The following SLIT1 variants were observed in gnomAD, a reference collection of about 807,000 sequenced individuals.
SLIT1 encodes the protein slit homolog 1 protein.
In SLIT1, 66 loss-of-function variants were observed where a neutral mutation model predicts 186.1. The ratio of observed to expected loss-of-function variants is 0.35; its 90% CI spans 0.29 to 0.44. The LOEUF (loss-of-function observed/expected upper bound fraction) is 0.44, where lower values mean the gene tolerates loss of function less well. Ranked by LOEUF, SLIT1 falls within the 20% of genes least tolerant of loss-of-function variation. The pLI is 1.00. For missense variants in SLIT1, 1,638 were observed against 2,037.4 expected, an observed-to-expected ratio of 0.80 and a Z score of 3.77; for synonymous variants, 761 against 833.8, an observed-to-expected ratio of 0.91 and a Z score of 1.50.
chr10:97,013,295 C>A (rs942623249), intron 30 of SLIT1, among the ~76,000 whole-genome samples: 1 of 152,204 alleles, frequency 6.6e-6, no homozygotes, highest in South Asian at 2.1e-4. Flanking sequence ...CAGATCAGAT[C>A]TGGCCATGAG....
At chr10:97,046,370 T>C (rs1409109071) in intron 18 of SLIT1, among the ~76,000 whole-genome samples, 2 of 152,208 alleles carry the variant, frequency 1.3e-5, no homozygotes, top group African/African-American at 2.4e-5. Flanking sequence ...TCTTGCAGCC[T>C]GACCAGAGGG....
At chr10:97,165,772 C>T (rs1850097013) in intron 1 of SLIT1, among the ~76,000 whole-genome samples, 1 of 152,108 alleles carries the variant, frequency 6.6e-6, no homozygotes, top group Non-Finnish European at 1.5e-5. Flanking sequence ...CGAGGCCACC[C>T]CACCATCTGG....
chr10:97,016,575 T>C (rs1287723926), intron 28 of SLIT1, among the ~76,000 whole-genome samples: 1 of 152,132 alleles, frequency 6.6e-6, no homozygotes, highest in Non-Finnish European at 1.5e-5. Context: ...TTTAATTGTC[T>C]GTAGAGATGG....
chr10:97,059,133 G>A (rs1429205620), intron 11 of SLIT1, among the ~76,000 whole-genome samples: 1 of 152,206 alleles, frequency 6.6e-6, no homozygotes, highest in African/African-American at 2.4e-5. Flanking sequence ...GGCGGGGGAC[G>A]GGGCCAAGAT....
chr10:97,172,778 C>CA, intron 1 of SLIT1, among the ~76,000 whole-genome samples: 1 of 152,180 alleles, frequency 6.6e-6, no homozygotes, highest in African/African-American at 2.4e-5. Flanking sequence ...GTGGTAATCT[C>CA]AGCTCCTTGG....
At chr10:97,150,322 T>C (rs1849863549) in intron 4 of SLIT1, among the ~76,000 whole-genome samples, 1 of 152,174 alleles carries the variant, frequency 6.6e-6, no homozygotes, top group Non-Finnish European at 1.5e-5. Flanking sequence ...GCTCTTCATT[T>C]CAGCAGAGAA....
intron 1 of SLIT1, among the ~76,000 whole-genome samples, chr10:97,168,685 T>C (rs1279259310): frequency 6.6e-6 from 1 of 152,202 alleles, no homozygotes; most frequent in African/African-American, 2.4e-5. Flanking sequence ...ATAAACAATA[T>C]TGCATAAAGT....
rs891005851 is a variant in SLIT1, at chr10:97,040,264, A to C, written c.2165-144T>G. ...GGCCATCAGTAAGTCTGTGCACTAC[A>C]CCTCCCCGCCAGCCACCACCGCCAC... On this transcript the variant is annotated intron_variant, in intron 20 of 36. Transcript: ENST00000266058. The C allele has an allele frequency of 1.4e-4, 111 of 798,722 alleles. No individual in the cohort carries two copies. In the African/African-American group the frequency reaches 1.9e-3, roughly 13 times the overall value. 49.5% of individuals were successfully genotyped at this position (798,722 alleles called of 1,614,324 possible).
rs113007870 is a variant in SLIT1, at chr10:97,068,133, TTGAATGAATGAA to T, written c.414-2059_414-2048del. On this transcript the variant is annotated intron_variant, in intron 4 of 36. Coordinates refer to ENST00000266058, the MANE Select transcript of SLIT1 (RefSeq NM_003061.3). The surrounding 1 kb of genome is among the most constrained non-coding windows in gnomAD (Gnocchi z 4.2). ...ACATCAGCCACTCGCCAAGCATTTG[TTGAATGAATGAA>T]TGAATGAATGAATGATGGAACTGGA... Among the ~76,000 whole-genome samples the T allele has an allele frequency of 3.3e-5, 5 of 151,702 alleles. No individual in the cohort carries two copies. The highest frequency in any genetic ancestry group is 7.3e-5 in the African/African-American group (3 of 41,084).
intron 4 of SLIT1, among the ~76,000 whole-genome samples, chr10:97,090,665 G>T (rs1229185570): frequency 2.6e-5 from 4 of 152,266 alleles, no homozygotes; most frequent in Admixed American, 6.5e-5. Flanking sequence ...TTAAGATGAG[G>T]ACACTGAGCG....
intron 3 of SLIT1, among the ~76,000 whole-genome samples, chr10:97,161,651 G>A (rs143229457): frequency 0.02 from 3,076 of 152,178 alleles, 101 homozygotes; most frequent in African/African-American, 0.069. Context: ...GGTGGCTGGC[G>A]CCTGTAATCC....
Position 97,047,999 on chromosome 10 carries a change from G to C in SLIT1, c.1466-3C>G. ...TGGAATGAAGTACTGCTCTTTGGCT[G>C]GGAAGAGAAGCAGAAATACCATAAT... On this transcript the variant is annotated splice_region_variant and splice_polypyrimidine_tract_variant and intron_variant, in intron 14 of 36. Coordinates refer to ENST00000266058, the MANE Select transcript of SLIT1 (RefSeq NM_003061.3). The C allele has an allele frequency of 6.2e-7, 1 of 1,614,102 alleles. No homozygotes were observed. The highest frequency in any genetic ancestry group is 1.1e-5 in the South Asian group (1 of 91,086).
chr10:97,103,489 T>C (rs1047380725), intron 4 of SLIT1: 1 of 152,212 alleles, frequency 6.6e-6, no homozygotes, highest in African/African-American at 2.4e-5. Flanking sequence ...CCAAGGCCCC[T>C]TGGTGAGGAT....
chr10:97,020,663 C>G (rs79477242), intron 26 of SLIT1, among the ~76,000 whole-genome samples: 3 of 152,380 alleles, frequency 2.0e-5, no homozygotes, highest in East Asian at 1.9e-4. Context: ...GTCCTCCCCC[C>G]GCTGTACCCC....
In SLIT1 at chr10:97,056,310, A is replaced by G; in HGVS notation, c.1301+11T>C. On this transcript the variant is annotated intron_variant, in intron 13 of 36. Coordinates refer to ENST00000266058, the MANE Select transcript of SLIT1 (RefSeq NM_003061.3). ...TGGGAGGGGAGAAGAAGAAGGCATC[A>G]GGGCACTCACAGAGTCTGGATGGCC... 6.2e-7 allele frequency: 1 copy of G among 1,613,870 alleles called. No individual in the cohort carries two copies. Among genetic ancestry groups the G allele is most frequent in the Non-Finnish European group, 8.5e-7 (1 of 1,179,796 alleles).
Position 97,068,764 on chromosome 10 carries a change from C to A in SLIT1, c.414-2678G>T, listed in dbSNP as rs772697169. Among the ~76,000 whole-genome samples the A allele has an allele frequency of 6.6e-6, 1 of 152,218 alleles. No homozygotes were observed. Among genetic ancestry groups the A allele is most frequent in the Non-Finnish European group, 1.5e-5 (1 of 68,042 alleles). On this transcript the variant is annotated intron_variant, in intron 4 of 36. Transcript: ENST00000266058. This position sits in a 1 kb window ranked among gnomAD's most constrained non-coding sequence, Gnocchi z 4.2. ...ATCTTGGTTACTTGTGCCATATCGC[C>A]AGCTCCCCAGTGTAGTCTGTCAGTA...
chr10:97,104,726 G>A (rs894601510), intron 4 of SLIT1, among the ~76,000 whole-genome samples: 34 of 152,084 alleles, frequency 2.2e-4, no homozygotes, highest in African/African-American at 8.0e-4. Context: ...GCTTTCACCT[G>A]TGCAAGTTCC....
At chr10:97,125,877 G>A (rs1011836781) in intron 4 of SLIT1, among the ~76,000 whole-genome samples, 1 of 152,072 alleles carries the variant, frequency 6.6e-6, no homozygotes, top group Admixed American at 6.5e-5. Context: ...AAGAGTCTGA[G>A]TCTGTGGTGC....
chr10:97,129,835 C>T (rs574965812), intron 4 of SLIT1, among the ~76,000 whole-genome samples: 3 of 152,248 alleles, frequency 2.0e-5, no homozygotes, highest in South Asian at 2.1e-4. Flanking sequence ...ACCCCACCCA[C>T]GTTTGCTGCT....
Sources: gnomAD v4.1 joint callset for allele counts (sites outside exome capture counted in the v4.1 genomes callset) on GRCh38, gnomAD v4.1.1 for gene constraint, Gnocchi (gnomAD v3.1) non-coding constraint, MANE v1.5 for transcripts, NCBI Gene and HGNC (gene_info 2026-07-23, HGNC 2026-07-21) for gene names.